Variants in TMCC1 observed in about 807,000 individuals in gnomAD.
The protein encoded by TMCC1 is transmembrane and coiled-coil domains protein 1.
TMCC1 carries 15 observed loss-of-function variants against 52.4 expected under a neutral mutation model. The observed-to-expected ratio is 0.29, with a 90% CI of 0.19 to 0.44. The LOEUF (loss-of-function observed/expected upper bound fraction) is 0.44, where lower values mean the gene tolerates loss of function less well. Ranked by LOEUF, TMCC1 falls within the 20% of genes least tolerant of loss-of-function variation. The pLI is 1.00. For missense variants in TMCC1, 503 were observed against 806.0 expected, an observed-to-expected ratio of 0.62 and a Z score of 4.55; for synonymous variants, 279 against 301.9, an observed-to-expected ratio of 0.92 and a Z score of 0.79.
chr3:129,853,420 T>C (rs1352350509), intron 2 of TMCC1, among the ~76,000 whole-genome samples: 1 of 148,836 alleles, frequency 6.7e-6, no homozygotes, highest in Non-Finnish European at 1.5e-5. Context: ...AGCCCAGGAG[T>C]TCAAGACCAG....
At chr3:129,880,066 T>TC (rs2061392907) in intron 2 of TMCC1, among the ~76,000 whole-genome samples, 1 of 152,120 alleles carries the variant, frequency 6.6e-6, no homozygotes, top group Non-Finnish European at 1.5e-5. Flanking sequence ...CCCCGTTACT[T>TC]GTAAGTCTAA....
At chr3:129,713,240 CT>C (rs1326061941) in intron 4 of TMCC1, among the ~76,000 whole-genome samples, 1 of 152,104 alleles carries the variant, frequency 6.6e-6, no homozygotes, top group African/African-American at 2.4e-5. Context: ...TTAGCCTGGG[CT>C]TTTTTCCTCC....
intron 4 of TMCC1, among the ~76,000 whole-genome samples, chr3:129,804,408 T>A (rs1266729515): frequency 6.6e-6 from 1 of 152,146 alleles, no homozygotes; most frequent in African/African-American, 2.4e-5. Context: ...CTTAGCCAAA[T>A]CCAAATAATA....
chr3:129,768,828 T>C (rs766934368), intron 4 of TMCC1, among the ~76,000 whole-genome samples: 4 of 152,244 alleles, frequency 2.6e-5, no homozygotes, highest in Non-Finnish European at 4.4e-5. Context: ...ATTTTTCTAT[T>C]TAATCCTTTT....
intron 2 of TMCC1, among the ~76,000 whole-genome samples, chr3:129,851,212 C>T (rs939787029): frequency 2.0e-5 from 3 of 151,002 alleles, no homozygotes; most frequent in Non-Finnish European, 4.4e-5. Flanking sequence ...TTGACAGATC[C>T]AGGCCAACCA....
At chr3:129,715,764 C>G (rs2049033984) in intron 4 of TMCC1, among the ~76,000 whole-genome samples, 1 of 152,020 alleles carries the variant, frequency 6.6e-6, no homozygotes. Context: ...TGTCTTATAT[C>G]TTATACATTC....
chr3:129,680,429 T>C (rs2088867567), intron 4 of TMCC1, among the ~76,000 whole-genome samples: 2 of 152,130 alleles, frequency 1.3e-5, no homozygotes, highest in African/African-American at 4.8e-5. Flanking sequence ...CCGAAGAAAT[T>C]GAATCAGGAG....
At chr3:129,654,258 T>C (rs1358258399) in intron 6 of TMCC1, among the ~76,000 whole-genome samples, 1 of 152,144 alleles carries the variant, frequency 6.6e-6, no homozygotes, top group African/African-American at 2.4e-5. Context: ...ATGGATGCTG[T>C]CCAGTCCAGA....
intron 4 of TMCC1, among the ~76,000 whole-genome samples, chr3:129,757,744 G>A (rs1038880762): frequency 2.6e-5 from 4 of 152,044 alleles, no homozygotes; most frequent in African/African-American, 4.8e-5. Flanking sequence ...CACGAGAATC[G>A]CTTGAACCCA....
chr3:129,840,600 G>A (rs577826269), intron 2 of TMCC1, among the ~76,000 whole-genome samples: 5 of 152,154 alleles, frequency 3.3e-5, no homozygotes, highest in Non-Finnish European at 5.9e-5. Flanking sequence ...TGTCAAGGGA[G>A]GGACTTGGTG....
chr3:129,870,378 T>C lies in TMCC1; in HGVS notation c.-184+9931A>G, dbSNP rs377582487. Among the ~76,000 whole-genome samples, 63 of 152,170 alleles carry C rather than the reference T, an allele frequency of 4.1e-4. 1 individual carries two copies. The highest frequency in any genetic ancestry group is 1.4e-3 in the African/African-American group (59 of 41,526). ...ACAACTTCTGAATATATTTGGATAGTTATATTTCCAAGTATTATCTTCAGT... is the reference window on the plus strand; with the variant it reads ...ACAACTTCTGAATATATTTGGATAGCTATATTTCCAAGTATTATCTTCAGT... On this transcript the variant is annotated intron_variant, in intron 2 of 6. Coordinates refer to ENST00000393238, the MANE Select transcript of TMCC1 (RefSeq NM_001017395.5).
chr3:129,743,072 C>A (rs368094849), intron 4 of TMCC1, among the ~76,000 whole-genome samples: 1 of 152,104 alleles, frequency 6.6e-6, no homozygotes, highest in African/African-American at 2.4e-5. Flanking sequence ...AGGTATGGGG[C>A]TTCCTTTTGA....
intron 4 of TMCC1, among the ~76,000 whole-genome samples, chr3:129,697,601 G>A (rs991406859): frequency 1.3e-5 from 2 of 152,172 alleles, no homozygotes; most frequent in Non-Finnish European, 1.5e-5. Context: ...CAGAAAACAG[G>A]TTTTTCTTTT....
intron 4 of TMCC1, among the ~76,000 whole-genome samples, chr3:129,723,912 ATTTTTTTTTT>A (rs5852573): frequency 7.1e-6 from 1 of 141,434 alleles, no homozygotes; most frequent in Admixed American, 7.1e-5. Context: ...TCAGGATGAG[ATTTTTTTTTT>A]TTTTTTTTTA....
chr3:129,710,513 T>G (rs1342719796), intron 4 of TMCC1, among the ~76,000 whole-genome samples: 1 of 152,160 alleles, frequency 6.6e-6, no homozygotes, highest in East Asian at 1.9e-4. Context: ...AAGTTGGAAT[T>G]CTTTAAAGAC....
chr3:129,830,255 T>C (rs534337612), intron 3 of TMCC1, among the ~76,000 whole-genome samples: 19 of 152,342 alleles, frequency 1.2e-4, no homozygotes, highest in African/African-American at 4.3e-4. Flanking sequence ...ATTAGATCAA[T>C]GACTGTCTTG....
At chr3:129,818,744 ATGAC>A (rs1168637042) in intron 4 of TMCC1, among the ~76,000 whole-genome samples, 1 of 152,196 alleles carries the variant, frequency 6.6e-6, no homozygotes, top group Non-Finnish European at 1.5e-5. Flanking sequence ...GGGCTAATAA[ATGAC>A]TGAATTCTTC....
At chr3:129,704,076 G>A (rs150727243) in intron 4 of TMCC1, among the ~76,000 whole-genome samples, 1 of 152,292 alleles carries the variant, frequency 6.6e-6, no homozygotes, top group East Asian at 1.9e-4. Context: ...TTTGTTGATT[G>A]TACACTGGAG....
chr3:129,863,124 G>A (rs979284287), intron 2 of TMCC1, among the ~76,000 whole-genome samples: 1 of 152,022 alleles, frequency 6.6e-6, no homozygotes, highest in East Asian at 1.9e-4. Flanking sequence ...ATTACTAGGG[G>A]GATAAAAATG....
Sources: gnomAD v4.1 joint callset for allele counts (sites outside exome capture counted in the v4.1 genomes callset) on GRCh38, gnomAD v4.1.1 for gene constraint, MANE v1.5 for transcripts, NCBI Gene and HGNC (gene_info 2026-07-23, HGNC 2026-07-21) for gene names.